The following FBXL20 variants were observed in gnomAD, a reference collection of about 807,000 sequenced individuals.
FBXL20 encodes F-box/LRR-repeat protein 20.
Under a neutral mutation model 64.0 loss-of-function variants are expected in FBXL20, and 11 were observed. The observed-to-expected ratio is 0.17, with a 90% CI of 0.11 to 0.28. The LOEUF is 0.28. FBXL20 is among the 10% of genes least tolerant of loss of function. FBXL20 has a pLI of 1.00. For missense variants in FBXL20, 303 were observed against 526.2 expected, an observed-to-expected ratio of 0.58 and a Z score of 4.15; for synonymous variants, 184 against 189.0, an observed-to-expected ratio of 0.97 and a Z score of 0.22.
intron 6 of FBXL20, among the ~76,000 whole-genome samples, chr17:39,295,109 C>T (rs1009526275): frequency 9.9e-5 from 15 of 152,066 alleles, no homozygotes; most frequent in African/African-American, 3.1e-4. Flanking sequence ...GTGGGGTTAT[C>T]GATGAAACAA....
intron 2 of FBXL20, among the ~76,000 whole-genome samples, chr17:39,326,882 C>CT (rs904426291): frequency 0.014 from 1,824 of 131,112 alleles, 31 homozygotes; most frequent in African/African-American, 0.038. Context: ...CCTGTCTTGG[C>CT]TTTTTTTTTT....
At chr17:39,394,260 C>G (rs1169536429) in intron 1 of FBXL20, among the ~76,000 whole-genome samples, 1 of 150,788 alleles carries the variant, frequency 6.6e-6, no homozygotes, top group African/African-American at 2.4e-5. Flanking sequence ...AACCACAGTA[C>G]TAGTTAGATT....
At chr17:39,388,809 A>C (rs1274509342) in intron 1 of FBXL20, among the ~76,000 whole-genome samples, 1 of 150,158 alleles carries the variant, frequency 6.7e-6, no homozygotes, top group East Asian at 2.0e-4. Context: ...TGTGCTTTAA[A>C]AAATTAGATC....
At chr17:39,348,021 C>T (rs763532672) in intron 1 of FBXL20, among the ~76,000 whole-genome samples, 2 of 151,700 alleles carry the variant, frequency 1.3e-5, no homozygotes, top group Non-Finnish European at 2.9e-5. Flanking sequence ...AATCCAATCC[C>T]TCCTCAGAAG....
intron 1 of FBXL20, among the ~76,000 whole-genome samples, chr17:39,344,774 A>G (rs978525245): frequency 1.3e-5 from 2 of 152,194 alleles, no homozygotes; most frequent in Non-Finnish European, 2.9e-5. Flanking sequence ...TGGGTGACAC[A>G]GCAATACTCT....
In FBXL20 at chr17:39,256,454, C is replaced by G. The variant is rs185673092; in HGVS notation, c.*5006G>C. On this transcript the variant is annotated 3_prime_UTR_variant, in exon 15 of 15. Coordinates refer to ENST00000264658, the MANE Select transcript of FBXL20 (RefSeq NM_032875.3). ...GGAGAGAGGTTCTGTCTCAAGAATT[C>G]CAACCAAACATCCTACATTTCTTCT... 2 of 152,044 alleles carry G rather than the reference C, an allele frequency of 1.3e-5. No individual in the cohort carries two copies. The highest frequency in any genetic ancestry group is 1.9e-4 in the East Asian group (1 of 5,196). The allele number at this position is 152,044 out of a possible 1,614,324, so 9.4% of individuals were successfully genotyped here. A position where few individuals can be genotyped will look rare whatever the true frequency, so the allele number is the denominator to read the frequency against.
intron 6 of FBXL20, 140 bp downstream of exon 6, chr17:39,296,984 ATGT>A (rs1447334346): frequency 2.0e-6 from 1 of 498,232 alleles, no homozygotes; most frequent in Non-Finnish European, 3.6e-6. Flanking sequence ...TTCTACTTTG[ATGT>A]TGCTTTCTCT....
intron 1 of FBXL20, among the ~76,000 whole-genome samples, chr17:39,356,836 A>G (rs1391979307): frequency 7.5e-6 from 1 of 133,884 alleles, no homozygotes; most frequent in African/African-American, 3.1e-5. Flanking sequence ...TTTTTTTTTT[A>G]ATTTTGCAGT....
chr17:39,324,956 C>T (rs1344294766), intron 2 of FBXL20, among the ~76,000 whole-genome samples: 1 of 152,220 alleles, frequency 6.6e-6, no homozygotes, highest in Admixed American at 6.5e-5. Flanking sequence ...ATAATCCTAG[C>T]ACTTTGGGAA....
chr17:39,277,932 A>C (rs2046913602), intron 9 of FBXL20, among the ~76,000 whole-genome samples: 1 of 152,138 alleles, frequency 6.6e-6, no homozygotes, highest in Non-Finnish European at 1.5e-5. Flanking sequence ...TGACTCCTGT[A>C]CTAAGATTTG....
At chr17:39,312,606 C>T (rs1228945608) in intron 2 of FBXL20, among the ~76,000 whole-genome samples, 3 of 110,688 alleles carry the variant, frequency 2.7e-5, no homozygotes, top group Admixed American at 1.0e-4. Flanking sequence ...TGGAGTCTCA[C>T]TCTGTCCCCT....
chr17:39,355,855 CAA>C (rs746086439), intron 1 of FBXL20, among the ~76,000 whole-genome samples: 15 of 67,614 alleles, frequency 2.2e-4, no homozygotes, highest in Non-Finnish European at 3.6e-4. Flanking sequence ...GACTTCGTCT[CAA>C]AAAAAAAAAA....
intron 2 of FBXL20, among the ~76,000 whole-genome samples, chr17:39,304,663 T>C (rs1387742953): frequency 6.6e-6 from 1 of 151,138 alleles, no homozygotes. Flanking sequence ...GCAGTCATCA[T>C]TCACTCCAGC....
intron 9 of FBXL20, among the ~76,000 whole-genome samples, chr17:39,279,888 T>C (rs2046932857): frequency 6.7e-6 from 1 of 150,250 alleles, no homozygotes; most frequent in Non-Finnish European, 1.5e-5. Context: ...CAAGACTCTG[T>C]CCCAAAAATT....
At chr17:39,286,514 C>A (rs951106352) in intron 6 of FBXL20, among the ~76,000 whole-genome samples, 5 of 152,058 alleles carry the variant, frequency 3.3e-5, no homozygotes, top group Admixed American at 1.3e-4. Context: ...TGTGCCTGGC[C>A]CAACATTTAT....
At chr17:39,299,275 C>T (rs1190604261) in intron 4 of FBXL20, among the ~76,000 whole-genome samples, 191 bp from the exon 5 acceptor site, 4 of 152,146 alleles carry the variant, frequency 2.6e-5, no homozygotes, top group African/African-American at 9.7e-5. Flanking sequence ...TGCCTAAACC[C>T]CATATTCTTA....
chr17:39,387,132 AGT>A (rs1311752868), intron 1 of FBXL20, among the ~76,000 whole-genome samples: 1 of 152,198 alleles, frequency 6.6e-6, no homozygotes, highest in Non-Finnish European at 1.5e-5. Context: ...GTAGTCATTA[AGT>A]TACATGTGAT....
chr17:39,291,228 G>A (rs564825121), intron 6 of FBXL20, among the ~76,000 whole-genome samples: 153 of 152,146 alleles, frequency 1.0e-3, no homozygotes, highest in African/African-American at 3.6e-3. Flanking sequence ...CCAAAGTGCT[G>A]GGATTACAGG....
At chr17:39,269,592 G>A (rs987859336) in intron 11 of FBXL20, among the ~76,000 whole-genome samples, 1 of 148,776 alleles carries the variant, frequency 6.7e-6, no homozygotes, top group Non-Finnish European at 1.5e-5. Context: ...TCCGCCTCCC[G>A]GATTCAAGCG....
Sources: allele counts gnomAD v4.1 joint callset (sites outside exome capture counted in the v4.1 genomes callset), GRCh38; gene constraint gnomAD v4.1.1; transcripts MANE v1.5; gene names NCBI Gene and HGNC (gene_info 2026-07-23, HGNC 2026-07-21).